Variants in CORO1C observed in about 807,000 individuals in gnomAD.
The protein encoded by CORO1C is coronin 1C.
CORO1C carries 14 observed loss-of-function variants against 51.2 expected under a neutral mutation model. That is an observed-to-expected ratio of 0.27 (90% CI 0.18 to 0.43). The LOEUF (loss-of-function observed/expected upper bound fraction) is 0.43. Among genes scored for constraint, CORO1C ranks in the 20% least tolerant of loss-of-function variants. The pLI is 1.00. For missense variants in CORO1C, 417 were observed against 607.8 expected (o/e 0.69, Z 3.30); for synonymous variants, 181 against 210.5 (o/e 0.86, Z 1.21).
chr12:108,678,972 G>A (rs149226774), intron 2 of CORO1C, among the ~76,000 whole-genome samples: 2 of 151,096 alleles, frequency 1.3e-5, no homozygotes, highest in African/African-American at 4.9e-5. Flanking sequence ...TTAGCTGGTC[G>A]TGGTGGTGTG....
At chr12:108,666,096 G>T (rs1268191934) in intron 3 of CORO1C, among the ~76,000 whole-genome samples, 3 of 152,342 alleles carry the variant, frequency 2.0e-5, no homozygotes, top group South Asian at 2.1e-4. Context: ...CCCTGAGGAG[G>T]TGACCTCTAA....
intron 2 of CORO1C, among the ~76,000 whole-genome samples, chr12:108,689,652 C>T (rs1208537678): frequency 6.6e-6 from 1 of 152,240 alleles, no homozygotes; most frequent in Non-Finnish European, 1.5e-5. Context: ...AGAGCCCCCA[C>T]CCCATCCTGG....
rs370601334 is a variant in CORO1C, at chr12:108,647,152, A to T, written c.*251T>A. On this transcript the variant is annotated 3_prime_UTR_variant, in exon 11 of 11. Transcript: ENST00000261401. ...CTTTTTAAAAAGTTCAACAAGTCAC[A>T]TAACACTTAAAACATCAAAAAAGCT... 8 of 372,090 alleles carry T rather than the reference A, an allele frequency of 2.2e-5. No homozygotes were observed. The highest frequency in any genetic ancestry group is 1.3e-4 in the East Asian group (3 of 23,052). 23.0% of individuals were successfully genotyped at this position (372,090 alleles called of 1,614,324 possible). A position where few individuals can be genotyped will look rare whatever the true frequency, so the allele number is the denominator to read the frequency against.
At chr12:108,652,024 C>CA (rs953415380) in intron 8 of CORO1C, 1,420 of 142,782 alleles carry the variant, frequency 9.9e-3, no homozygotes, top group South Asian at 0.017. Context: ...GACTCCGTCT[C>CA]AAAAAAAAAA....
chr12:108,725,825 T>A (rs7295054), intron 1 of CORO1C, among the ~76,000 whole-genome samples: 74,256 of 151,910 alleles, frequency 0.49, 18,486 homozygotes, highest in South Asian at 0.69. Flanking sequence ...TTATTTATTT[T>A]TTTGAGACGG....
At chr12:108,672,230 T>G (rs1375515951) in intron 3 of CORO1C, among the ~76,000 whole-genome samples, 1 of 152,210 alleles carries the variant, frequency 6.6e-6, no homozygotes, top group South Asian at 2.1e-4. Flanking sequence ...ACACAATGAT[T>G]GATGGAGAGT....
At chr12:108,704,365 G>C (rs1253142795) in intron 1 of CORO1C, among the ~76,000 whole-genome samples, 2 of 151,968 alleles carry the variant, frequency 1.3e-5, no homozygotes, top group South Asian at 2.1e-4. Flanking sequence ...CCAGCTACTC[G>C]GGAGGCTGAG....
Position 108,701,201 on chromosome 12 carries a change from C to A in CORO1C, c.118G>T (p.Ala40Ser). ...ATGGCAACAAATCTGGGATTGACAG[C>A]ACAAAAGGAACTATCCCAGGTCACA... ...SRVTWDSSFC[A>S]VNPRFVAIII... Residue 40 changes from alanine to serine, a missense_variant, in exon 2 of 11, where the codon GCT (alanine) becomes TCT (serine). Coordinates refer to ENST00000261401, the MANE Select transcript of CORO1C (RefSeq NM_014325.4). 6.2e-7 allele frequency: 1 copy of A among 1,614,132 alleles called. No individual in the cohort carries two copies.
rs993851078 is a variant in CORO1C at position 108,652,480 on chromosome 12, T to A, written c.856-63A>T. 1.9e-5 allele frequency: 26 copies of A among 1,404,518 alleles called. No homozygotes were observed. In the Admixed American group the frequency reaches 1.9e-4, roughly 10 times the overall value. 87.0% of individuals were successfully genotyped at this position (1,404,518 alleles called of 1,614,324 possible). A position where few individuals can be genotyped will look rare whatever the true frequency, so the allele number is the denominator to read the frequency against. ...AACTGAAACATCTGGATTATGGGGGTGTCTCTCTCCTCTACAAACCCAGCA... is the reference window on the plus strand; with the variant it reads ...AACTGAAACATCTGGATTATGGGGGAGTCTCTCTCCTCTACAAACCCAGCA... On this transcript the variant is annotated intron_variant, in intron 7 of 10. Transcript: ENST00000261401.
rs1245249655 is a variant in CORO1C, at chr12:108,645,123, A to G, written c.*2280T>C. On this transcript the variant is annotated 3_prime_UTR_variant, in exon 11 of 11. Transcript: ENST00000261401. ...CACAAACACCATTTTGTAATCAATG[A>G]TTTTTATCTCTGAAAATGGAAGCAA... 6.6e-6 allele frequency: 1 copy of G among 151,680 alleles called. No individual in the cohort carries two copies. The highest frequency in any genetic ancestry group is 1.9e-4 in the East Asian group (1 of 5,164). 9.4% of individuals were successfully genotyped at this position (151,680 alleles called of 1,614,324 possible). A position where few individuals can be genotyped will look rare whatever the true frequency, so the allele number is the denominator to read the frequency against.
chr12:108,694,081 A>T (rs1489850467), intron 2 of CORO1C, among the ~76,000 whole-genome samples: 1 of 152,144 alleles, frequency 6.6e-6, no homozygotes, highest in Admixed American at 6.5e-5. Flanking sequence ...CAGGAGTTCG[A>T]GACCAGCCTG....
At chr12:108,705,459 CAAAAAAAAAAAA>C (rs1163703701) in intron 1 of CORO1C, among the ~76,000 whole-genome samples, 3 of 63,400 alleles carry the variant, frequency 4.7e-5, no homozygotes, top group African/African-American at 6.3e-5. Flanking sequence ...GACCCTGTCT[CAAAAAAAAAAAA>C]AAAAAAAAAA....
intron 1 of CORO1C, among the ~76,000 whole-genome samples, chr12:108,717,626 G>A (rs1239330307): frequency 6.6e-6 from 1 of 152,124 alleles, no homozygotes; most frequent in African/African-American, 2.4e-5. Flanking sequence ...TATGAAGGGT[G>A]CATCAACAGT....
intron 2 of CORO1C, among the ~76,000 whole-genome samples, chr12:108,683,894 T>C (rs561572196): frequency 1.2e-4 from 18 of 151,964 alleles, no homozygotes; most frequent in African/African-American, 4.3e-4. Flanking sequence ...ACTGAATTCA[T>C]CATATAAGGA....
At chr12:108,673,714 C>T (rs972502751) in intron 3 of CORO1C, among the ~76,000 whole-genome samples, 6 of 152,088 alleles carry the variant, frequency 3.9e-5, no homozygotes, top group Non-Finnish European at 8.8e-5. Context: ...TGCTCATTTA[C>T]CGCACCAAAA....
rs74325719 is a variant in CORO1C, at chr12:108,686,353, C to T, written c.196-7959G>A. ...ATGCAGAGGCTGAAAGGAAGATGTA[C>T]AAGAATTAAAGCCAGCTTTTAGATA... On this transcript the variant is annotated intron_variant, in intron 2 of 10. Coordinates refer to ENST00000261401, the MANE Select transcript of CORO1C (RefSeq NM_014325.4). Among the ~76,000 whole-genome samples the T allele has an allele frequency of 1.4e-3, 218 of 152,248 alleles. 1 individual carries two copies. Among genetic ancestry groups the T allele is most frequent in the African/African-American group, 5.1e-3 (212 of 41,538 alleles).
chr12:108,679,299 A>C (rs2034041288), intron 2 of CORO1C, among the ~76,000 whole-genome samples: 1 of 152,090 alleles, frequency 6.6e-6, no homozygotes, highest in African/African-American at 2.4e-5. Flanking sequence ...GTTAACACCA[A>C]CTTAGACCTC....
At chr12:108,657,674 T>A (rs1420476099) in intron 5 of CORO1C, among the ~76,000 whole-genome samples, 1 of 152,184 alleles carries the variant, frequency 6.6e-6, no homozygotes, top group East Asian at 1.9e-4. Flanking sequence ...CTCCACCATA[T>A]CCTGCTGCCA....
chr12:108,727,014 G>A (rs1376242554), intron 1 of CORO1C, among the ~76,000 whole-genome samples: 4 of 152,212 alleles, frequency 2.6e-5, no homozygotes, highest in African/African-American at 9.7e-5. Flanking sequence ...AGGCAATAAA[G>A]ACATTCATGA....
Sources: allele counts gnomAD v4.1 joint callset (sites outside exome capture counted in the v4.1 genomes callset), GRCh38; gene constraint gnomAD v4.1.1; transcripts MANE v1.5; gene names NCBI Gene and HGNC (gene_info 2026-07-23, HGNC 2026-07-21).